Variants in PTPN14 observed in about 807,000 individuals in gnomAD.
PTPN14 encodes protein tyrosine phosphatase non-receptor type 14.
In PTPN14, 53 loss-of-function variants were observed where a neutral mutation model predicts 126.8. That is an observed-to-expected ratio of 0.42 (90% CI 0.34 to 0.53). The LOEUF (loss-of-function observed/expected upper bound fraction) is 0.53. PTPN14 is among the 20% of genes least tolerant of loss of function. The probability of loss-of-function intolerance (pLI) is 0.08; values close to 1 mark genes in which losing one functional copy is unlikely to be tolerated. For missense variants in PTPN14, 1,257 were observed against 1,552.9 expected (o/e 0.81, Z 3.20); for synonymous variants, 630 against 599.3 (o/e 1.05, Z -0.75).
intron 2 of PTPN14, among the ~76,000 whole-genome samples, chr1:214,455,728 T>A (rs1365529861): frequency 6.6e-6 from 1 of 152,170 alleles, no homozygotes; most frequent in Non-Finnish European, 1.5e-5. Context: ...ATTTATTTGG[T>A]TTGGTGTACT....
At chr1:214,474,457 T>C (rs1445803943) in intron 1 of PTPN14, among the ~76,000 whole-genome samples, 1 of 152,152 alleles carries the variant, frequency 6.6e-6, no homozygotes, top group Non-Finnish European at 1.5e-5. Context: ...GACAAGCACA[T>C]TGACATAGGA....
In PTPN14 at chr1:214,417,239, G is replaced by A. The variant is rs138402751; in HGVS notation, c.345-2513C>T. On this transcript the variant is annotated intron_variant, in intron 3 of 18. Transcript: ENST00000366956. The stretch of plus-strand genomic sequence containing the variant: ...ATTGGTGAACATAATTTTGCTTCTC[G>A]AATGAAGGTAAAATTTTGTATTTTC... Among the ~76,000 whole-genome samples, 430 of 152,216 alleles carry A rather than the reference G, an allele frequency of 2.8e-3. 1 individual carries two copies. Among genetic ancestry groups the A allele is most frequent in the African/African-American group, 9.9e-3 (411 of 41,534 alleles).
intron 16 of PTPN14, among the ~76,000 whole-genome samples, chr1:214,371,590 C>T (rs1290855419): frequency 6.6e-6 from 1 of 152,174 alleles, no homozygotes; most frequent in African/African-American, 2.4e-5. Flanking sequence ...TCTATGGGGA[C>T]AGGGATGGTG....
chr1:214,486,917 A>AC (rs869271754), intron 1 of PTPN14, among the ~76,000 whole-genome samples: 1 of 24,948 alleles, frequency 4.0e-5, no homozygotes, highest in African/African-American at 3.5e-4. Context: ...GGAAAAGTTG[A>AC]CCCCGTCACC....
intron 10 of PTPN14, among the ~76,000 whole-genome samples, chr1:214,392,643 C>G (rs1658783838): frequency 1.3e-5 from 2 of 152,154 alleles, no homozygotes; most frequent in Admixed American, 1.3e-4. Context: ...GAGAATGTGT[C>G]TAGAAGAAAC....
intron 1 of PTPN14, among the ~76,000 whole-genome samples, chr1:214,505,903 T>G (rs1654831116): frequency 1.3e-5 from 2 of 151,996 alleles, no homozygotes; most frequent in Non-Finnish European, 2.9e-5. Flanking sequence ...CTCAAAAAAA[T>G]CGAGTTTGTA....
chr1:214,445,549 G>A (rs1400676612), intron 3 of PTPN14, among the ~76,000 whole-genome samples: 1 of 108,488 alleles, frequency 9.2e-6, no homozygotes, highest in Non-Finnish European at 2.0e-5. Context: ...ACATGTTTTG[G>A]TTAAAAAAAA....
intron 12 of PTPN14, among the ~76,000 whole-genome samples, chr1:214,386,334 G>A (rs374044762): frequency 1.6e-4 from 24 of 152,304 alleles, no homozygotes; most frequent in African/African-American, 4.3e-4. Flanking sequence ...GGGAGAAAGA[G>A]AGGAATAAAA....
At chr1:214,391,075 G>C (rs1047503634) in intron 10 of PTPN14, 30 bp from the exon 11 acceptor site, 2 of 1,501,540 alleles carry the variant, frequency 1.3e-6, no homozygotes, top group Non-Finnish European at 9.1e-7. Context: ...AATGAGAATG[G>C]TTATTATTAT....
chr1:214,426,981 A>T (rs1659678783), intron 3 of PTPN14, among the ~76,000 whole-genome samples: 1 of 151,820 alleles, frequency 6.6e-6, no homozygotes, highest in African/African-American at 2.4e-5. Flanking sequence ...GGCTTCTCCT[A>T]AAAAAAATTA....
chr1:214,441,798 A>G (rs1660041783), intron 3 of PTPN14, among the ~76,000 whole-genome samples: 1 of 152,174 alleles, frequency 6.6e-6, no homozygotes, highest in Admixed American at 6.5e-5. Flanking sequence ...TAAACACTAC[A>G]ATGTGGCATC....
Position 214,356,266 on chromosome 1 carries a change from GTTT to G in PTPN14, c.*1653_*1655del, listed in dbSNP as rs1298101964. ...GAACCACCGTGCCTGGCTGACTACA[GTTT>G]TTTAATTGCACGTTTGTTCTTTGAA... On this transcript the variant is annotated 3_prime_UTR_variant, in exon 19 of 19. Transcript: ENST00000366956. The G allele has an allele frequency of 6.6e-6, 1 of 152,190 alleles. No individual in the cohort carries two copies. Among genetic ancestry groups the G allele is most frequent in the Non-Finnish European group, 1.5e-5 (1 of 68,082 alleles). The allele number at this position is 152,190 out of a possible 1,614,324, so 9.4% of individuals were successfully genotyped here. A position where few individuals can be genotyped will look rare whatever the true frequency, so the allele number is the denominator to read the frequency against.
intron 1 of PTPN14, among the ~76,000 whole-genome samples, chr1:214,495,535 T>A (rs1661340845): frequency 6.6e-6 from 1 of 151,868 alleles, no homozygotes; most frequent in Non-Finnish European, 1.5e-5. Context: ...AATTCAAGAG[T>A]CTAAAAAAAT....
At chr1:214,481,373 TG>T (rs1660981558) in intron 1 of PTPN14, among the ~76,000 whole-genome samples, 1 of 151,470 alleles carries the variant, frequency 6.6e-6, no homozygotes, top group South Asian at 2.1e-4. Flanking sequence ...TAGCTGGGCG[TG>T]GTGGCATGCG....
chr1:214,465,736 T>C (rs1296816785), intron 1 of PTPN14, among the ~76,000 whole-genome samples: 1 of 152,076 alleles, frequency 6.6e-6, no homozygotes, highest in Non-Finnish European at 1.5e-5. Context: ...AACAACCCTA[T>C]GGTGTCTATT....
chr1:214,461,672 G>A (rs1660517332), intron 2 of PTPN14, among the ~76,000 whole-genome samples: 1 of 151,414 alleles, frequency 6.6e-6, no homozygotes, highest in Admixed American at 6.6e-5. Context: ...TTGGCTGGGT[G>A]TGTGGCTCAC....
At chr1:214,464,216 C>A (rs1272465349) in intron 2 of PTPN14, among the ~76,000 whole-genome samples, 72 of 121,876 alleles carry the variant, frequency 5.9e-4, no homozygotes, top group Non-Finnish European at 7.0e-4. Flanking sequence ...TAGAAACAAC[C>A]AAAAAAAAAA....
At chr1:214,547,077 T>C (rs907984577) in intron 1 of PTPN14, among the ~76,000 whole-genome samples, 15 of 152,204 alleles carry the variant, frequency 9.9e-5, no homozygotes, top group Non-Finnish European at 2.2e-4. Context: ...TTTACACAGC[T>C]ACTCTGTGTC....
At chr1:214,372,502 G>C (rs556067920) in intron 16 of PTPN14, 471 of 648,218 alleles carry the variant, frequency 7.3e-4, no homozygotes, top group Non-Finnish European at 1.0e-3. Context: ...AAAATGGGAG[G>C]AGGAAAAGCT....
Sources: gnomAD v4.1 joint callset for allele counts (sites outside exome capture counted in the v4.1 genomes callset) on GRCh38, gnomAD v4.1.1 for gene constraint, MANE v1.5 for transcripts, NCBI Gene and HGNC (gene_info 2026-07-23, HGNC 2026-07-21) for gene names.